BUD13: variants seen among roughly 807,000 people sequenced by gnomAD.
The protein encoded by BUD13 is BUD13 spliceosome associated protein, also known as BUD13 homolog.
A neutral mutation model predicts 62.5 loss-of-function variants in BUD13; 47 were observed. That is an observed-to-expected ratio of 0.75 (90% CI 0.60 to 0.96). BUD13 has a LOEUF of 0.96. Ranked by LOEUF, BUD13 falls within the 40% of genes least tolerant of loss-of-function variation. The pLI is 0.00. For missense variants in BUD13, 821 were observed against 790.9 expected (o/e 1.04, Z -0.46); for synonymous variants, 293 against 280.1 (o/e 1.05, Z -0.46).
At position 116,762,666 on chromosome 11, in the gene BUD13, G is replaced by A; in HGVS notation, c.923C>T (p.Ser308Phe). The A allele has an allele frequency of 6.2e-7, 1 of 1,614,208 alleles. No individual in the cohort carries two copies. The highest frequency in any genetic ancestry group is 8.5e-7 in the Non-Finnish European group (1 of 1,180,036). The change falls in exon 4 of 10, where the codon TCC (serine) becomes TTC (phenylalanine). Residue 308 changes from serine (S) to phenylalanine (F), a missense_variant. Transcript: ENST00000260210. ...GCTGTTCTTTGGGAATGACAAATGG[G>A]AGGCTCCTGACTCCTTCCAATGTGG... ...TSPHWKESGASHLSFPKNSKY... is the reference protein window; with the variant it reads ...TSPHWKESGAFHLSFPKNSKY...
intron 2 of BUD13, among the ~76,000 whole-genome samples, chr11:116,766,197 C>G (rs1940527517): frequency 6.6e-6 from 1 of 152,218 alleles, no homozygotes; most frequent in South Asian, 2.1e-4. Context: ...GACAAACTTT[C>G]AAGATTGCTG....
At chr11:116,751,412 T>C (rs566308254) in intron 9 of BUD13, among the ~76,000 whole-genome samples, 18 of 152,252 alleles carry the variant, frequency 1.2e-4, no homozygotes, top group Non-Finnish European at 2.1e-4. Flanking sequence ...GTGAATCACC[T>C]GAGATGAGAA....
intron 3 of BUD13, among the ~76,000 whole-genome samples, chr11:116,764,817 T>C (rs925139301): frequency 3.3e-5 from 5 of 152,220 alleles, no homozygotes; most frequent in African/African-American, 1.2e-4. Context: ...ACTCAAATTT[T>C]TTTAAAGAGA....
At chr11:116,763,857 GA>G (rs1226650873) in intron 3 of BUD13, among the ~76,000 whole-genome samples, 1 of 152,152 alleles carries the variant, frequency 6.6e-6, no homozygotes, top group Non-Finnish European at 1.5e-5. Context: ...TTAGAGAGGG[GA>G]AAAATCACCA....
chr11:116,758,464 G>A, intron 6 of BUD13, 57 bp from the exon 7 acceptor site: 1 of 1,586,784 alleles, frequency 6.3e-7, no homozygotes, highest in Non-Finnish European at 8.6e-7. Context: ...AACATTCTAA[G>A]AGATCAAATC....
At chr11:116,772,757 C>T (rs1021818309) in intron 1 of BUD13, 65 bp downstream of exon 1, 76 of 1,437,384 alleles carry the variant, frequency 5.3e-5, no homozygotes, top group Non-Finnish European at 3.0e-5. Context: ...GCCGGGCGGC[C>T]GAGGGCGGAG....
intron 9 of BUD13, among the ~76,000 whole-genome samples, chr11:116,755,026 A>G (rs1327357866): frequency 2.6e-5 from 4 of 152,256 alleles, no homozygotes; most frequent in Non-Finnish European, 5.9e-5. Context: ...AAAGCTGCCA[A>G]TATAGAAACC....
intron 9 of BUD13, among the ~76,000 whole-genome samples, chr11:116,752,308 A>G (rs1373449172): frequency 3.9e-5 from 6 of 152,258 alleles, no homozygotes; most frequent in African/African-American, 1.4e-4. Context: ...AACAGATACT[A>G]TATATCTGTT....
intron 9 of BUD13, among the ~76,000 whole-genome samples, chr11:116,754,282 A>G (rs1940288578): frequency 6.6e-6 from 1 of 152,236 alleles, no homozygotes; most frequent in Non-Finnish European, 1.5e-5. Flanking sequence ...CCTAGGCTCA[A>G]GCAATCCGTC....
At chr11:116,762,458 G>GA in intron 4 of BUD13, 95 bp downstream of exon 4, 1 of 1,117,082 alleles carries the variant, frequency 9.0e-7, no homozygotes, top group Non-Finnish European at 1.3e-6. Flanking sequence ...CTTTCCCAAA[G>GA]AAATTCCATT....
intron 9 of BUD13, among the ~76,000 whole-genome samples, chr11:116,749,292 C>T (rs1444198157): frequency 6.6e-6 from 1 of 152,206 alleles, no homozygotes; most frequent in East Asian, 1.9e-4. Flanking sequence ...TCCTGATGAA[C>T]TCCCAGACTA....
At chr11:116,763,914 A>C (rs913576290) in intron 3 of BUD13, among the ~76,000 whole-genome samples, 26 of 152,260 alleles carry the variant, frequency 1.7e-4, no homozygotes, top group African/African-American at 6.3e-4. Context: ...ACTGTGTGCC[A>C]GTGTTTCATA....
At position 116,758,323 on chromosome 11, in the gene BUD13, C is replaced by T. The variant is rs765013967; in HGVS notation, c.1445G>A (p.Arg482Lys). ...TCTCTCTGAGTCCTTTTCTGCTTTC[C>T]TCCTTTGCTCTAAACGTTCGAGTTT... ...NLKLERLEQRRKAEKDSERDE... is the reference protein window; with the variant it reads ...NLKLERLEQRKKAEKDSERDE... Residue 482 changes from arginine to lysine, a missense_variant, in exon 7 of 10, where the codon AGG becomes AAG. Physicochemically the swap from Arg to Lys is conservative, Grantham distance 26 (BLOSUM62 2). Coordinates refer to ENST00000260210, the MANE Select transcript of BUD13 (RefSeq NM_032725.4). 6.2e-7 allele frequency: 1 copy of T among 1,614,170 alleles called. No homozygotes were observed. Among genetic ancestry groups the T allele is most frequent in the African/African-American group, 1.3e-5 (1 of 75,024 alleles).
chr11:116,772,093 GCAAA>G (rs893642663), intron 1 of BUD13, among the ~76,000 whole-genome samples: 10 of 151,984 alleles, frequency 6.6e-5, no homozygotes, highest in African/African-American at 2.4e-4. Flanking sequence ...TTTTTAAAAG[GCAAA>G]CAGTCATCTT....
At chr11:116,752,588 G>C (rs1940255851) in intron 9 of BUD13, among the ~76,000 whole-genome samples, 1 of 152,132 alleles carries the variant, frequency 6.6e-6, no homozygotes, top group Non-Finnish European at 1.5e-5. Context: ...AACATCTGTA[G>C]GGTTGTGCTA....
At position 116,772,946 on chromosome 11, in the gene BUD13, G is replaced by C. The variant is rs533182528; in HGVS notation, c.19C>G (p.Leu7Val). 3 of 1,570,152 alleles carry C rather than the reference G, an allele frequency of 1.9e-6. No homozygotes were observed. The South Asian group carries it at 3.4e-5, about 18-fold the overall frequency. The change falls in exon 1 of 10, where the codon CTT (leucine) becomes GTT (valine). Residue 7 changes from leucine (L) to valine (V), a missense_variant. Around this residue, in one of 2 missense-constraint regions of BUD13, gnomAD observed 800 missense variants for 739.2 expected, o/e 1.08. Transcript: ENST00000260210. ...CGCTTCAGATACTCGGCCTTGGAAAGCGGCGGAGCTGCCGCCATGGCAGCG... is the reference window on the plus strand; with the variant it reads ...CGCTTCAGATACTCGGCCTTGGAAACCGGCGGAGCTGCCGCCATGGCAGCG... Reference protein sequence around the residue: MAAAPPLSKAEYLKRYL... With the variant: MAAAPPVSKAEYLKRYL...
At chr11:116,748,670 G>A (rs1288080243) in intron 9 of BUD13, 95 bp from the exon 10 acceptor site, 2 of 1,227,804 alleles carry the variant, frequency 1.6e-6, no homozygotes, top group African/African-American at 1.5e-5. Flanking sequence ...TGAAAAGGGG[G>A]GAAAGTAAGG....
intron 9 of BUD13, 134 bp from the exon 10 acceptor site, chr11:116,748,709 C>T (rs769325658): frequency 1.8e-4 from 170 of 919,376 alleles, no homozygotes; most frequent in Non-Finnish European, 2.4e-4. Flanking sequence ...TAGGCATGGC[C>T]GGGCACGGCG....
At position 116,759,143 on chromosome 11, in the gene BUD13, C is replaced by T; in HGVS notation, c.1291G>A (p.Val431Met). 1 of 1,614,100 alleles carries T rather than the reference C, an allele frequency of 6.2e-7. No homozygotes were observed. Among genetic ancestry groups the T allele is most frequent in the Non-Finnish European group, 8.5e-7 (1 of 1,180,020 alleles). ...HMYSGAKTGL[V>M]LTDIQREQQE... Reference sequence around the variant, plus strand: ...TGTTCTCGCTGTATGTCAGTTAACACCAACCCAGTTTTAGCCCCAGAATAC... The same window carrying T: ...TGTTCTCGCTGTATGTCAGTTAACATCAACCCAGTTTTAGCCCCAGAATAC... The change falls in exon 6 of 10, where the codon GTG becomes ATG. Residue 431 changes from valine (V) to methionine (M), a missense_variant. Around this residue, in one of 2 missense-constraint regions of BUD13, gnomAD observed 800 missense variants for 739.2 expected, o/e 1.08. Coordinates refer to ENST00000260210, the MANE Select transcript of BUD13 (RefSeq NM_032725.4).
Sources: allele counts gnomAD v4.1 joint callset (sites outside exome capture counted in the v4.1 genomes callset), GRCh38; gene constraint gnomAD v4.1.1; regional missense constraint gnomAD v4.1.1; transcripts MANE v1.5; gene names NCBI Gene and HGNC (gene_info 2026-07-23, HGNC 2026-07-21).